UTP18: variants seen among roughly 807,000 people sequenced by gnomAD.
UTP18 encodes UTP18 small subunit processome component.
UTP18 carries 36 observed loss-of-function variants against 61.1 expected under a neutral mutation model. The ratio of observed to expected loss-of-function variants is 0.59; its 90% CI spans 0.45 to 0.78. The LOEUF (loss-of-function observed/expected upper bound fraction) is 0.78. Among genes scored for constraint, UTP18 ranks in the 30% least tolerant of loss-of-function variants. The pLI is 0.00. For synonymous variants in UTP18, 282 were observed against 251.1 expected (o/e 1.12, Z -1.16); for missense variants, 753 against 693.9 (o/e 1.09, Z -0.96).
intron 11 of UTP18, among the ~76,000 whole-genome samples, chr17:51,290,117 TAAG>T (rs1905206543): frequency 6.6e-6 from 1 of 152,170 alleles, no homozygotes; most frequent in Non-Finnish European, 1.5e-5. Flanking sequence ...ATGATTTCCT[TAAG>T]AAATGTTTTG....
chr17:51,280,395 G>T lies in UTP18; in HGVS notation c.1120G>T (p.Glu374Ter), dbSNP rs1215922993. The change falls in exon 9 of 14, where the codon GAA (glutamate) becomes TAA (stop). Residue 374 changes from glutamate (E) to a stop codon, truncating the protein, a stop_gained. Coordinates refer to ENST00000225298, the MANE Select transcript of UTP18 (RefSeq NM_016001.3). LOFTEE classifies it high-confidence loss of function. ...YLHLLAMKTK[E>*]LIGSMKINGR... ...ATAATATTTATTGTTTTAGACCAAA[G>T]AACTGATTGGAAGCATGAAAATTAA... 26 of 1,613,874 alleles carry T rather than the reference G, an allele frequency of 1.6e-5. No individual in the cohort carries two copies. The Admixed American group carries it at 4.3e-4, about 27-fold the overall frequency.
At chr17:51,270,457 A>G (rs1002429748) in intron 4 of UTP18, among the ~76,000 whole-genome samples, 19 of 152,212 alleles carry the variant, frequency 1.2e-4, no homozygotes, top group African/African-American at 4.3e-4. Flanking sequence ...ACAACATTTT[A>G]GATTCCTGTA....
chr17:51,283,681 T>C (rs2144429933), intron 9 of UTP18, among the ~76,000 whole-genome samples: 1 of 151,874 alleles, frequency 6.6e-6, no homozygotes, highest in African/African-American at 2.4e-5. Flanking sequence ...TGGTGTGATC[T>C]TGGCTCACTA....
intron 11 of UTP18, among the ~76,000 whole-genome samples, chr17:51,290,777 G>A (rs1160008956): frequency 6.6e-6 from 1 of 152,170 alleles, no homozygotes; most frequent in Non-Finnish European, 1.5e-5. Context: ...CCAAATCACA[G>A]TTTTTAAATG....
intron 10 of UTP18, chr17:51,286,691 G>A (rs1260387499): frequency 7.7e-6 from 3 of 389,268 alleles, no homozygotes; most frequent in South Asian, 1.9e-5. Context: ...ACCCTGTAGC[G>A]AGGGACATCT....
At chr17:51,286,491 T>C (rs1905120199) in intron 10 of UTP18, 3 of 456,190 alleles carry the variant, frequency 6.6e-6, no homozygotes, top group Non-Finnish European at 1.3e-5. Flanking sequence ...AGGTTAAAAC[T>C]GGGGAAACTG....
intron 4 of UTP18, among the ~76,000 whole-genome samples, chr17:51,270,299 C>T (rs1904483680): frequency 6.6e-6 from 1 of 152,080 alleles, no homozygotes; most frequent in Non-Finnish European, 1.5e-5. Context: ...AGCCTCTTTC[C>T]ATGTTTGTTT....
intron 11 of UTP18, among the ~76,000 whole-genome samples, chr17:51,292,629 A>G (rs2144446355): frequency 6.6e-6 from 1 of 152,374 alleles, no homozygotes; most frequent in South Asian, 2.1e-4. Flanking sequence ...ACGGTTGTAT[A>G]TATTTGAACA....
intron 2 of UTP18, among the ~76,000 whole-genome samples, chr17:51,264,648 A>G (rs2055541490): frequency 6.8e-6 from 1 of 146,404 alleles, no homozygotes; most frequent in Non-Finnish European, 1.5e-5. Flanking sequence ...ATCTCTACCT[A>G]GTTTGTTTTG....
At position 51,294,059 on chromosome 17, in the gene UTP18, A is replaced by T; in HGVS notation, c.1646+14A>T. On this transcript the variant is annotated intron_variant, in intron 12 of 13. Transcript: ENST00000225298. ...CCTGATGTATAGGTAGGTATTATTT[A>T]TGTTTAAAAGTCAGAGATACCTATA... 2.6e-6 allele frequency: 4 copies of T among 1,557,618 alleles called. No individual in the cohort carries two copies. Among genetic ancestry groups the T allele is most frequent in the Non-Finnish European group, 3.5e-6 (4 of 1,157,876 alleles).
chr17:51,289,613 C>A (rs1018016918), intron 11 of UTP18, among the ~76,000 whole-genome samples: 14 of 152,146 alleles, frequency 9.2e-5, no homozygotes, highest in Non-Finnish European at 1.8e-4. Flanking sequence ...TCCTAATCTT[C>A]AGGCAGAGCC....
At position 51,260,930 on chromosome 17, in the gene UTP18, AG is replaced by A; in HGVS notation, c.342+7del. On this transcript the variant is annotated splice_donor_5th_base_variant and intron_variant, in intron 1 of 13. Coordinates refer to ENST00000225298, the MANE Select transcript of UTP18 (RefSeq NM_016001.3). ...GCGGCGTCTGCGAGGCCCGAGGGTGAGGGAGGCCGCGGCGCGCGGGCTGGGC... is the reference window on the plus strand; with the variant it reads ...GCGGCGTCTGCGAGGCCCGAGGGTGAGGAGGCCGCGGCGCGCGGGCTGGGC... The A allele has an allele frequency of 6.5e-7, 1 of 1,546,556 alleles. No individual in the cohort carries two copies. Among genetic ancestry groups the A allele is most frequent in the Non-Finnish European group, 8.7e-7 (1 of 1,150,882 alleles).
intron 1 of UTP18, among the ~76,000 whole-genome samples, chr17:51,262,373 C>T (rs1162970670): frequency 6.6e-6 from 1 of 152,032 alleles, no homozygotes; most frequent in Non-Finnish European, 1.5e-5. Flanking sequence ...TGTGAGCCAC[C>T]GCACCCGGCC....
At chr17:51,293,199 C>T (rs1359632144) in intron 11 of UTP18, among the ~76,000 whole-genome samples, 1 of 152,154 alleles carries the variant, frequency 6.6e-6, no homozygotes, top group Non-Finnish European at 1.5e-5. Flanking sequence ...TTAATTTACT[C>T]ATTCAGCAAA....
intron 7 of UTP18, among the ~76,000 whole-genome samples, chr17:51,279,204 C>T (rs866805687): frequency 1.3e-5 from 2 of 152,188 alleles, no homozygotes; most frequent in South Asian, 4.1e-4. Context: ...CTCTGTCTCC[C>T]TGTCTTCCTG....
At position 51,285,321 on chromosome 17, in the gene UTP18, T is replaced by C. The variant is rs1256763667; in HGVS notation, c.1281T>C (p.Tyr427=). The change falls in exon 10 of 14, where the codon TAT becomes TAC. Residue 427 remains tyrosine (Y), a synonymous_variant. Transcript: ENST00000225298. The part of the protein sequence containing the change: ...LNRFVDEGSL[Y]GLSIATSRNG... ...GATTTGTTGATGAAGGCAGTTTATA[T>C]GGATTAAGCATTGCCACATCTAGGA... The C allele has an allele frequency of 2.5e-6, 4 of 1,613,926 alleles. No individual in the cohort carries two copies. Among genetic ancestry groups the C allele is most frequent in the African/African-American group, 2.7e-5 (2 of 74,920 alleles).
intron 5 of UTP18, among the ~76,000 whole-genome samples, chr17:51,275,101 G>A (rs1251328406): frequency 6.6e-6 from 1 of 151,464 alleles, no homozygotes. Flanking sequence ...GGAGGCTGAG[G>A]CAGGAGAATC....
chr17:51,288,019 C>A lies in UTP18; in HGVS notation c.1329-10C>A, dbSNP rs1338412502. The stretch of plus-strand genomic sequence containing the variant: ...GTTTTTAATCTATTTTAATCCTTTT[C>A]TCTTTGTAGTTCTAATTGTGGAGTG... On this transcript the variant is annotated splice_polypyrimidine_tract_variant and intron_variant, in intron 10 of 13. Coordinates refer to ENST00000225298, the MANE Select transcript of UTP18 (RefSeq NM_016001.3). 1.3e-6 allele frequency: 2 copies of A among 1,557,442 alleles called. No homozygotes were observed. The highest frequency in any genetic ancestry group is 2.3e-5 in the East Asian group (1 of 43,508).
intron 5 of UTP18, among the ~76,000 whole-genome samples, chr17:51,274,094 C>G (rs1904632538): frequency 6.6e-6 from 1 of 152,232 alleles, no homozygotes. Context: ...TGATTTCCCA[C>G]TTGAGTCACA....
Sources: gnomAD v4.1 joint callset for allele counts (sites outside exome capture counted in the v4.1 genomes callset) on GRCh38, gnomAD v4.1.1 for gene constraint, MANE v1.5 for transcripts, NCBI Gene and HGNC (gene_info 2026-07-23, HGNC 2026-07-21) for gene names.